NEO1: variants seen among roughly 807,000 people sequenced by gnomAD.
The protein encoded by NEO1 is neogenin 1.
In NEO1, 63 loss-of-function variants were observed where a neutral mutation model predicts 159.7. The ratio of observed to expected loss-of-function variants is 0.39; its 90% CI spans 0.32 to 0.49. NEO1 has a LOEUF of 0.49. NEO1 is among the 20% of genes least tolerant of loss of function. The pLI is 0.85. For synonymous variants in NEO1, 633 were observed against 662.0 expected, an observed-to-expected ratio of 0.96 and a Z score of 0.67; for missense variants, 1,615 against 1,831.0, an observed-to-expected ratio of 0.88 and a Z score of 2.15.
chr15:73,305,004 C>T lies in NEO1; in HGVS notation c.*2308C>T, dbSNP rs2042735861. 8 of 152,172 alleles carry T rather than the reference C, an allele frequency of 5.3e-5. No homozygotes were observed. Among genetic ancestry groups the T allele is most frequent in the Admixed American group, 4.6e-4 (7 of 15,274 alleles). The allele number at this position is 152,172 out of a possible 1,614,324, so 9.4% of individuals were successfully genotyped here. A position where few individuals can be genotyped will look rare whatever the true frequency, so the allele number is the denominator to read the frequency against. ...TCCTGGTTGAGCTGCCGCTCAGCAG[C>T]TTCCTCGGGGGGATTTGGAACACCT... On this transcript the variant is annotated 3_prime_UTR_variant, in exon 29 of 29. Coordinates refer to ENST00000261908, the MANE Select transcript of NEO1 (RefSeq NM_002499.4).
chr15:73,204,824 GT>G (rs1343847875), intron 7 of NEO1, among the ~76,000 whole-genome samples: 2 of 152,014 alleles, frequency 1.3e-5, no homozygotes, highest in Non-Finnish European at 2.9e-5. Flanking sequence ...ATAATTTCTT[GT>G]TGAAAGCTTG....
At chr15:73,295,356 T>G (rs1002017262) in intron 26 of NEO1, among the ~76,000 whole-genome samples, 24 of 151,722 alleles carry the variant, frequency 1.6e-4, no homozygotes, top group Non-Finnish European at 3.2e-4. Flanking sequence ...ACCCTGTTTC[T>G]CCATCTTTAA....
At chr15:73,076,125 G>GACCAAGAATT (rs1220003679) in intron 1 of NEO1, among the ~76,000 whole-genome samples, 2 of 152,070 alleles carry the variant, frequency 1.3e-5, no homozygotes, top group African/African-American at 2.4e-5. Flanking sequence ...AAGTACAAAG[G>GACCAAGAATT]ACCAAGAATT....
chr15:73,158,113 G>C (rs1474262878), intron 5 of NEO1, among the ~76,000 whole-genome samples: 1 of 151,778 alleles, frequency 6.6e-6, no homozygotes, highest in Non-Finnish European at 1.5e-5. Flanking sequence ...TACTCCTGAG[G>C]CTGAGACAGG....
chr15:73,188,596 C>G (rs1423815302), intron 7 of NEO1, among the ~76,000 whole-genome samples: 1 of 152,094 alleles, frequency 6.6e-6, no homozygotes, highest in Non-Finnish European at 1.5e-5. Context: ...TACTAATGCT[C>G]ATATTAGTAG....
At chr15:73,079,347 G>A (rs566636709) in intron 1 of NEO1, among the ~76,000 whole-genome samples, 5 of 152,188 alleles carry the variant, frequency 3.3e-5, no homozygotes, top group East Asian at 1.9e-4. Flanking sequence ...AATTTTTCTC[G>A]CTAATGGCCA....
rs147030372 is a variant in NEO1, at chr15:73,105,392, C to G, written c.131-11148C>G. 8.9e-4 allele frequency among the ~76,000 whole-genome samples: 135 copies of G among 152,298 alleles called. 1 individual carries two copies. The highest frequency in any genetic ancestry group is 3.2e-3 in the African/African-American group (131 of 41,568). On this transcript the variant is annotated intron_variant, in intron 1 of 28. Coordinates refer to ENST00000261908, the MANE Select transcript of NEO1 (RefSeq NM_002499.4). ...TTTATTGTAATTGCTTAGACAACAA[C>G]CCAATGCAGTGTTTTCTCTTGATGT... is the stretch of plus-strand genomic sequence containing the variant.
At chr15:73,079,488 TTCAA>T (rs1397653174) in intron 1 of NEO1, among the ~76,000 whole-genome samples, 2 of 152,252 alleles carry the variant, frequency 1.3e-5, no homozygotes, top group African/African-American at 4.8e-5. Context: ...GTTGGTACTA[TTCAA>T]TCAAATAGGC....
intron 1 of NEO1, among the ~76,000 whole-genome samples, chr15:73,054,855 C>T (rs1052346439): frequency 6.6e-6 from 1 of 152,078 alleles, no homozygotes; most frequent in Non-Finnish European, 1.5e-5. Flanking sequence ...ACAAGCTGTC[C>T]GCAAATCAGA....
chr15:73,065,250 A>G (rs1417084453), intron 1 of NEO1, among the ~76,000 whole-genome samples: 1 of 151,110 alleles, frequency 6.6e-6, no homozygotes, highest in Non-Finnish European at 1.5e-5. Context: ...TAAATTCATT[A>G]ATTTATTCAT....
At position 73,293,422 on chromosome 15, in the gene NEO1, G is replaced by C. The variant is rs149490246; in HGVS notation, c.3775G>C (p.Asp1259His). 1.6e-5 allele frequency: 26 copies of C among 1,613,916 alleles called. No homozygotes were observed. Among genetic ancestry groups the C allele is most frequent in the Non-Finnish European group, 2.2e-5 (26 of 1,180,022 alleles). ...TAGTGCCCATCCCATCCATTCCCTCGATAACCCTCACCATCATTTCCACTC... is the reference window on the plus strand; with the variant it reads ...TAGTGCCCATCCCATCCATTCCCTCCATAACCCTCACCATCATTTCCACTC... Reference protein sequence around the residue: ...VISAHPIHSLDNPHHHFHSSS... With the variant: ...VISAHPIHSLHNPHHHFHSSS... Residue 1259 changes from aspartate to histidine, a missense_variant, in exon 26 of 29, where the codon GAT becomes CAT. Physicochemically the swap from Asp to His is moderately conservative, Grantham distance 81. Around this residue, in one of 3 missense-constraint regions of NEO1, gnomAD observed 471 missense variants for 498.9 expected, o/e 0.94. Transcript: ENST00000261908.
chr15:73,247,800 A>C (rs2039873941), intron 9 of NEO1, among the ~76,000 whole-genome samples: 1 of 152,232 alleles, frequency 6.6e-6, no homozygotes, highest in African/African-American at 2.4e-5. Flanking sequence ...ATTTGTGTAT[A>C]AATTGGAACT....
At chr15:73,137,205 C>T (rs1014215195) in intron 5 of NEO1, among the ~76,000 whole-genome samples, 3 of 152,074 alleles carry the variant, frequency 2.0e-5, no homozygotes, top group African/African-American at 7.2e-5. Context: ...CTCAGATTGG[C>T]AACCAAGTGA....
At chr15:73,138,983 TA>T (rs925534129) in intron 5 of NEO1, among the ~76,000 whole-genome samples, 6 of 152,012 alleles carry the variant, frequency 3.9e-5, no homozygotes, top group Non-Finnish European at 8.8e-5. Context: ...AGAATTTTTT[TA>T]AAAGGAAAAA....
intron 7 of NEO1, among the ~76,000 whole-genome samples, chr15:73,206,809 CT>C (rs2037254215): frequency 6.9e-6 from 1 of 144,974 alleles, no homozygotes; most frequent in Non-Finnish European, 1.5e-5. Context: ...ATGGCATTTT[CT>C]TTTTTCTTTT....
chr15:73,106,247 T>C (rs1325059568), intron 1 of NEO1, among the ~76,000 whole-genome samples: 2 of 152,170 alleles, frequency 1.3e-5, no homozygotes, highest in African/African-American at 4.8e-5. Context: ...ATTTTTTTAT[T>C]AGAGAACTTG....
intron 5 of NEO1, among the ~76,000 whole-genome samples, chr15:73,141,975 G>A (rs148413216): frequency 4.6e-5 from 7 of 152,152 alleles, no homozygotes; most frequent in African/African-American, 1.7e-4. Context: ...GCCCCAGTGC[G>A]CCTGGATTCC....
chr15:73,183,908 T>A (rs1183840020), intron 7 of NEO1, among the ~76,000 whole-genome samples: 1 of 152,178 alleles, frequency 6.6e-6, no homozygotes, highest in Non-Finnish European at 1.5e-5. Flanking sequence ...CTAAACTCTT[T>A]CACACTAATG....
chr15:73,071,142 C>T lies in NEO1; in HGVS notation c.130+18337C>T, dbSNP rs115120494. Among the ~76,000 whole-genome samples the T allele has an allele frequency of 3.7e-3, 564 of 152,212 alleles. 7 individuals carry two copies. The highest frequency in any genetic ancestry group is 0.013 in the African/African-American group (537 of 41,532). On this transcript the variant is annotated intron_variant, in intron 1 of 28. Coordinates refer to ENST00000261908, the MANE Select transcript of NEO1 (RefSeq NM_002499.4). ...TTAAAAATTTGTATAGAGACAGAGT[C>T]TTGCTATGTTGCCCAGGCTGGTCTG... is the stretch of plus-strand genomic sequence containing the variant.
Sources: allele counts gnomAD v4.1 joint callset (sites outside exome capture counted in the v4.1 genomes callset), GRCh38; gene constraint gnomAD v4.1.1; regional missense constraint gnomAD v4.1.1; transcripts MANE v1.5; gene names NCBI Gene and HGNC (gene_info 2026-07-23, HGNC 2026-07-21).